The following PIBF1 variants were observed in gnomAD, a reference collection of about 807,000 sequenced individuals.
PIBF1 encodes the protein progesterone-induced-blocking factor 1.
In PIBF1, 90 loss-of-function variants were observed where a neutral mutation model predicts 112.5. The ratio of observed to expected loss-of-function variants is 0.80; its 90% CI spans 0.67 to 0.95. PIBF1 has a LOEUF of 0.95. Ranked by LOEUF, PIBF1 falls within the 40% of genes least tolerant of loss-of-function variation. The probability of loss-of-function intolerance (pLI) is 0.00; values close to 1 mark genes in which losing one functional copy is unlikely to be tolerated. For missense variants in PIBF1, 915 were observed against 852.3 expected (o/e 1.07, Z -0.92); for synonymous variants, 301 against 288.6 (o/e 1.04, Z -0.44).
At chr13:72,924,947 G>A (rs1411394624) in intron 13 of PIBF1, among the ~76,000 whole-genome samples, 1 of 152,176 alleles carries the variant, frequency 6.6e-6, no homozygotes, top group East Asian at 1.9e-4. Context: ...TGGAGGAAGT[G>A]GAACTCGACG....
intron 14 of PIBF1, among the ~76,000 whole-genome samples, chr13:72,947,031 C>T (rs756037979): frequency 5.3e-5 from 8 of 152,246 alleles, no homozygotes; most frequent in Non-Finnish European, 1.2e-4. Context: ...TCCAACCCCA[C>T]ATTTCCCTTC....
At chr13:72,841,486 A>G (rs940113021) in intron 9 of PIBF1, among the ~76,000 whole-genome samples, 1 of 152,158 alleles carries the variant, frequency 6.6e-6, no homozygotes, top group African/African-American at 2.4e-5. Flanking sequence ...AAATGGGCTA[A>G]TAGGCTAGGT....
rs182322802 is a variant in PIBF1, at chr13:72,951,716, T to C, written c.1834-13558T>C. Among the ~76,000 whole-genome samples the C allele has an allele frequency of 3.5e-3, 533 of 152,262 alleles. 2 individuals are homozygous for C. Among genetic ancestry groups the C allele is most frequent in the African/African-American group, 0.012 (504 of 41,544 alleles). On this transcript the variant is annotated intron_variant, in intron 14 of 17. Coordinates refer to ENST00000326291, the MANE Select transcript of PIBF1 (RefSeq NM_006346.4). ...GTGCATTCTATGGGGTTTAGACAGA[T>C]GCATAATGACATGTGTCTGTCATTA...
intron 10 of PIBF1, among the ~76,000 whole-genome samples, chr13:72,875,252 T>G (rs2039346603): frequency 6.6e-6 from 1 of 152,222 alleles, no homozygotes; most frequent in African/African-American, 2.4e-5. Flanking sequence ...TATCTTTCAG[T>G]GCTGAATAGT....
At chr13:72,916,435 A>C (rs767976829) in intron 12 of PIBF1, among the ~76,000 whole-genome samples, 1 of 151,204 alleles carries the variant, frequency 6.6e-6, no homozygotes, top group Non-Finnish European at 1.5e-5. Context: ...CCCAACTTGC[A>C]GTAAAATGTC....
intron 10 of PIBF1, among the ~76,000 whole-genome samples, chr13:72,873,607 G>C (rs1271165674): frequency 6.6e-6 from 1 of 151,952 alleles, no homozygotes; most frequent in Non-Finnish European, 1.5e-5. Context: ...TCACCATGTT[G>C]GTCAGGCTGG....
In PIBF1 at chr13:72,868,587, T is replaced by C. The variant is rs540721896; in HGVS notation, c.1322+14432T>C. Among the ~76,000 whole-genome samples the C allele has an allele frequency of 3.9e-5, 6 of 152,326 alleles. No homozygotes were observed. In the East Asian group the frequency reaches 1.2e-3, roughly 29 times the overall value. On this transcript the variant is annotated intron_variant, in intron 10 of 17. Coordinates refer to ENST00000326291, the MANE Select transcript of PIBF1 (RefSeq NM_006346.4). ...AAAACATGTCTATTCTTTTGTGTCA[T>C]GTTTTGCCATTGGTTAAGCCATACA...
At chr13:72,967,092 C>T (rs540637706) in intron 15 of PIBF1, among the ~76,000 whole-genome samples, 134 of 152,028 alleles carry the variant, frequency 8.8e-4, no homozygotes, top group African/African-American at 3.0e-3. Flanking sequence ...CACGCTGCCA[C>T]GCCCAGCTAA....
In PIBF1 at chr13:72,908,699, C is replaced by A. The variant is rs543175536; in HGVS notation, c.1639+18C>A. The A allele has an allele frequency of 1.1e-4, 176 of 1,583,264 alleles. No homozygotes were observed. The South Asian group carries it at 1.7e-3, about 15-fold the overall frequency. ...TGCAGAAAGTAAGTCTTCCCCCACACACACATGCACAACTTTTTTTTTTCT... is the reference window on the plus strand; with the variant it reads ...TGCAGAAAGTAAGTCTTCCCCCACAAACACATGCACAACTTTTTTTTTTCT... On this transcript the variant is annotated intron_variant, in intron 12 of 17. Coordinates refer to ENST00000326291, the MANE Select transcript of PIBF1 (RefSeq NM_006346.4).
chr13:72,790,234 C>A (rs1043532004), intron 2 of PIBF1, among the ~76,000 whole-genome samples: 1 of 151,994 alleles, frequency 6.6e-6, no homozygotes, highest in African/African-American at 2.4e-5. Context: ...AGACTAAGGG[C>A]AGACAAGACA....
intron 10 of PIBF1, among the ~76,000 whole-genome samples, chr13:72,867,986 G>C (rs1159995593): frequency 1.7e-5 from 2 of 119,286 alleles, no homozygotes; most frequent in Non-Finnish European, 3.4e-5. Context: ...AAATCATGAA[G>C]ATGGCAGATG....
At chr13:72,907,837 CT>C (rs2040754802) in intron 11 of PIBF1, among the ~76,000 whole-genome samples, 2 of 151,948 alleles carry the variant, frequency 1.3e-5, no homozygotes, top group African/African-American at 4.8e-5. Context: ...AGAGGCATCT[CT>C]TTTTTTAGTT....
chr13:72,916,836 C>G (rs1414274165), intron 12 of PIBF1, among the ~76,000 whole-genome samples: 1 of 151,934 alleles, frequency 6.6e-6, no homozygotes, highest in Non-Finnish European at 1.5e-5. Context: ...AACAAGAAAA[C>G]CTAACATGAT....
intron 16 of PIBF1, among the ~76,000 whole-genome samples, chr13:72,996,602 A>T (rs1164117612): frequency 6.6e-6 from 1 of 152,186 alleles, no homozygotes; most frequent in Non-Finnish European, 1.5e-5. Flanking sequence ...AGCCTGAGCA[A>T]CATAGTAAGA....
intron 5 of PIBF1, among the ~76,000 whole-genome samples, chr13:72,803,560 T>C (rs1054961641): frequency 5.3e-5 from 8 of 152,208 alleles, no homozygotes; most frequent in Admixed American, 2.0e-4. Context: ...ATTGAATTAC[T>C]CCTGATTAGT....
At chr13:72,917,335 T>A (rs1594191989) in intron 13 of PIBF1, among the ~76,000 whole-genome samples, 169 bp downstream of exon 13, 1 of 152,194 alleles carries the variant, frequency 6.6e-6, no homozygotes, top group Non-Finnish European at 1.5e-5. Flanking sequence ...TTCATATATA[T>A]TTAAATAAAT....
chr13:72,941,996 G>A (rs1265062540), intron 14 of PIBF1, among the ~76,000 whole-genome samples: 1 of 152,106 alleles, frequency 6.6e-6, no homozygotes, highest in Non-Finnish European at 1.5e-5. Context: ...AGCTTTATTG[G>A]TATAAAGTAA....
At chr13:72,893,159 A>T (rs554475457) in intron 10 of PIBF1, among the ~76,000 whole-genome samples, 1 of 152,146 alleles carries the variant, frequency 6.6e-6, no homozygotes. Flanking sequence ...AATTTATAGT[A>T]TGTGGTGATT....
intron 9 of PIBF1, among the ~76,000 whole-genome samples, chr13:72,842,193 T>G (rs2037643415): frequency 6.6e-6 from 1 of 152,164 alleles, no homozygotes; most frequent in Admixed American, 6.5e-5. Flanking sequence ...GGAGATAAAT[T>G]CAGCTGATTA....
Sources: gnomAD v4.1 joint callset for allele counts (sites outside exome capture counted in the v4.1 genomes callset) on GRCh38, gnomAD v4.1.1 for gene constraint, MANE v1.5 for transcripts, NCBI Gene and HGNC (gene_info 2026-07-23, HGNC 2026-07-21) for gene names.